The following LINGO2 variants were observed in gnomAD, a reference collection of about 807,000 sequenced individuals.
The protein encoded by LINGO2 is leucine-rich repeat and immunoglobulin-like domain-containing nogo receptor-interacting protein 2.
In LINGO2, 14 loss-of-function variants were observed where a neutral mutation model predicts 30.6. The observed-to-expected ratio is 0.46, with a 90% CI of 0.30 to 0.72. LINGO2 has a LOEUF of 0.72. Among genes scored for constraint, LINGO2 ranks in the 30% least tolerant of loss-of-function variants. LINGO2 has a pLI of 0.07. For synonymous variants in LINGO2, 317 were observed against 288.5 expected (o/e 1.10, Z -1.00); for missense variants, 729 against 751.7 (o/e 0.97, Z 0.35).
intron 4 of LINGO2, among the ~76,000 whole-genome samples, chr9:28,043,801 A>G (rs943252794): frequency 1.3e-4 from 20 of 152,190 alleles, no homozygotes; most frequent in South Asian, 6.2e-4. Context: ...TTTTGCATAT[A>G]TATCTCCAGG....
intron 4 of LINGO2, among the ~76,000 whole-genome samples, chr9:28,232,872 G>C (rs1279493818): frequency 4.6e-5 from 7 of 151,194 alleles, no homozygotes; most frequent in Non-Finnish European, 1.0e-4. Context: ...AAAAAAAAAG[G>C]CATGTCAACT....
At chr9:28,758,556 T>A in the LINGO2 span, among the ~76,000 whole-genome samples, 1 of 152,038 alleles carries the variant, frequency 6.6e-6, no homozygotes, top group African/African-American at 2.4e-5. Context: ...TTCACAGTTG[T>A]CATCATCCCT....
chr9:28,509,432 T>C (rs907150776), intron 1 of LINGO2, among the ~76,000 whole-genome samples: 3 of 152,202 alleles, frequency 2.0e-5, no homozygotes, highest in African/African-American at 7.2e-5. Context: ...GCCTGAAATA[T>C]TTTCCTATCT....
At chr9:28,508,475 A>G (rs1266482700) in intron 1 of LINGO2, among the ~76,000 whole-genome samples, 2 of 151,970 alleles carry the variant, frequency 1.3e-5, no homozygotes, top group Non-Finnish European at 2.9e-5. Context: ...TATTTTTCTC[A>G]CCTTCTCTCT....
At chr9:28,110,358 C>A (rs962747006) in intron 4 of LINGO2, among the ~76,000 whole-genome samples, 4 of 152,116 alleles carry the variant, frequency 2.6e-5, no homozygotes, top group Non-Finnish European at 5.9e-5. Flanking sequence ...ACTAAAACAC[C>A]AAAAGCATTT....
At chr9:28,824,282 G>C in the LINGO2 span, among the ~76,000 whole-genome samples, 1 of 152,256 alleles carries the variant, frequency 6.6e-6, no homozygotes, top group African/African-American at 2.4e-5. Flanking sequence ...GAACAAGATA[G>C]AATATCTGTT....
chr9:28,641,284 C>A (rs140727286), intron 1 of LINGO2, among the ~76,000 whole-genome samples: 79 of 152,214 alleles, frequency 5.2e-4, no homozygotes, highest in African/African-American at 1.8e-3. Flanking sequence ...GATCTGCTTG[C>A]CTCAGCCTCC....
At chr9:29,213,537 C>G in the LINGO2 span, among the ~76,000 whole-genome samples, 2 of 152,052 alleles carry the variant, frequency 1.3e-5, no homozygotes, top group African/African-American at 4.8e-5. Flanking sequence ...GGCTGCAAGG[C>G]GGGACGCAGG....
At chr9:28,533,645 C>T (rs1359991423) in intron 1 of LINGO2, among the ~76,000 whole-genome samples, 5 of 152,138 alleles carry the variant, frequency 3.3e-5, no homozygotes, top group Non-Finnish European at 7.3e-5. Flanking sequence ...TGACTGCAGA[C>T]TATATTCCTT....
At chr9:28,494,508 G>T (rs867555781) in intron 1 of LINGO2, among the ~76,000 whole-genome samples, 26 of 152,004 alleles carry the variant, frequency 1.7e-4, no homozygotes, top group African/African-American at 6.3e-4. Context: ...GAGAATGATG[G>T]TTTCCAGCTT....
intron 3 of LINGO2, among the ~76,000 whole-genome samples, chr9:28,297,739 C>A (rs1464072381): frequency 1.3e-5 from 2 of 152,196 alleles, no homozygotes; most frequent in Non-Finnish European, 2.9e-5. Context: ...TCTTCCACAA[C>A]CTCATGTAGC....
At chr9:28,158,032 T>C (rs1282901593) in intron 4 of LINGO2, among the ~76,000 whole-genome samples, 1 of 152,202 alleles carries the variant, frequency 6.6e-6, no homozygotes, top group Non-Finnish European at 1.5e-5. Context: ...TGCTTCCACA[T>C]TTTCGGGTAT....
chr9:28,532,225 G>A (rs1821260781), intron 1 of LINGO2, among the ~76,000 whole-genome samples: 1 of 152,052 alleles, frequency 6.6e-6, no homozygotes, highest in Non-Finnish European at 1.5e-5. Context: ...TGGGGGCTGA[G>A]AAAAAGCAAG....
At chr9:28,213,498 C>CTATT (rs2133867714) in intron 4 of LINGO2, among the ~76,000 whole-genome samples, 1 of 151,472 alleles carries the variant, frequency 6.6e-6, no homozygotes, top group East Asian at 1.9e-4. Context: ...TTCTAATTAT[C>CTATT]TATTTGGCAA....
the LINGO2 span, among the ~76,000 whole-genome samples, chr9:29,046,978 C>T: frequency 1.2e-4 from 3 of 25,578 alleles, no homozygotes; most frequent in African/African-American, 3.4e-4. Flanking sequence ...ACTTGGTAGG[C>T]TGCGGCAGGA....
At chr9:28,493,800 G>T (rs1267910237) in intron 1 of LINGO2, among the ~76,000 whole-genome samples, 1 of 152,086 alleles carries the variant, frequency 6.6e-6, no homozygotes, top group Non-Finnish European at 1.5e-5. Context: ...AGCACGGTCA[G>T]AATAAAAGCA....
intron 3 of LINGO2, among the ~76,000 whole-genome samples, chr9:28,331,734 C>T (rs977041882): frequency 6.6e-5 from 10 of 152,226 alleles, no homozygotes; most frequent in African/African-American, 7.2e-5. Context: ...TCGGACTCTC[C>T]GGCTCAAGCA....
At chr9:28,191,395 A>G (rs1819818218) in intron 4 of LINGO2, among the ~76,000 whole-genome samples, 1 of 152,186 alleles carries the variant, frequency 6.6e-6, no homozygotes, top group Non-Finnish European at 1.5e-5. Context: ...CTGAGAGTCT[A>G]GATCCTATTC....
At chr9:29,085,311 A>T in the LINGO2 span, among the ~76,000 whole-genome samples, 307 of 130,282 alleles carry the variant, frequency 2.4e-3, 4 homozygotes, top group African/African-American at 8.2e-3. Flanking sequence ...AAAAAAAAAA[A>T]GAATAAATTA....
Sources: allele counts gnomAD v4.1 joint callset (sites outside exome capture counted in the v4.1 genomes callset), GRCh38; gene constraint gnomAD v4.1.1; transcripts MANE v1.5; gene names NCBI Gene and HGNC (gene_info 2026-07-23, HGNC 2026-07-21).